KIF13B: variants seen among roughly 807,000 people sequenced by gnomAD.
The protein encoded by KIF13B is kinesin-like protein KIF13B.
Under a neutral mutation model 222.0 loss-of-function variants are expected in KIF13B, and 127 were observed. That is an observed-to-expected ratio of 0.57 (90% CI 0.50 to 0.66). The LOEUF is 0.66. Among genes scored for constraint, KIF13B ranks in the 30% least tolerant of loss-of-function variants. KIF13B has a pLI of 0.00. For synonymous variants in KIF13B, 976 were observed against 919.0 expected, an observed-to-expected ratio of 1.06 and a Z score of -1.12; for missense variants, 2,173 against 2,379.0, an observed-to-expected ratio of 0.91 and a Z score of 1.80.
In KIF13B at chr8:29,140,569, C is replaced by T. The variant is rs752151726; in HGVS notation, c.2383G>A (p.Glu795Lys). Residue 795 changes from glutamate to lysine, a missense_variant, in exon 20 of 40, where the codon GAA becomes AAA. This residue lies in a region of KIF13B where 1,480 missense variants were observed against 1,722.8 expected (regional missense o/e 0.86). Transcript: ENST00000524189. ...KRADPFYDEQ[E>K]NHSLIGVANV... is the part of the protein sequence containing the mutation. Reference sequence around the variant, plus strand: ...GCCACCCCAATGAGACTGTGATTTTCCTGCTCATCATAGAATGGATCAGCA... The same window carrying T: ...GCCACCCCAATGAGACTGTGATTTTTCTGCTCATCATAGAATGGATCAGCA... 6 of 1,613,730 alleles carry T rather than the reference C, an allele frequency of 3.7e-6. No homozygotes were observed. In the African/African-American group the frequency reaches 4.0e-5, roughly 11 times the overall value.
intron 23 of KIF13B, among the ~76,000 whole-genome samples, chr8:29,131,207 C>G (rs1810329241): frequency 6.6e-6 from 1 of 152,094 alleles, no homozygotes; most frequent in African/African-American, 2.4e-5. Flanking sequence ...GGTTGAAAAA[C>G]TACCTCCTGA....
chr8:29,193,335 G>T (rs993507750), intron 3 of KIF13B, among the ~76,000 whole-genome samples: 1 of 152,144 alleles, frequency 6.6e-6, no homozygotes, highest in Admixed American at 6.5e-5. Flanking sequence ...GGAGCAAAAG[G>T]AGGAGGATGG....
chr8:29,072,131 G>A lies in KIF13B; in HGVS notation c.4707C>T (p.Phe1569=). 7.2e-7 allele frequency: 1 copy of A among 1,389,716 alleles called. No individual in the cohort carries two copies. Among genetic ancestry groups the A allele is most frequent in the South Asian group, 1.8e-5 (1 of 55,724 alleles). The allele number at this position is 1,389,716 out of a possible 1,614,324, so 86.1% of individuals were successfully genotyped here. The change falls in exon 39 of 40, where the codon TTC becomes TTT. Residue 1569 remains phenylalanine, a synonymous_variant. Transcript: ENST00000524189. The part of the protein sequence containing the change: ...SPLSEASSGY[F]SHSVSTATLS... Reference sequence around the variant, plus strand: ...GGGTCGCGGTGGAGACGCTGTGGGAGAAGTACCCGCTAGAGGCTTCACTCA... The same window carrying A: ...GGGTCGCGGTGGAGACGCTGTGGGAAAAGTACCCGCTAGAGGCTTCACTCA...
intron 36 of KIF13B, among the ~76,000 whole-genome samples, chr8:29,094,308 C>A (rs1327493088): frequency 6.6e-6 from 1 of 152,226 alleles, no homozygotes; most frequent in East Asian, 1.9e-4. Flanking sequence ...TGAACAGAAT[C>A]TGCTGTGCAA....
chr8:29,175,883 T>C (rs991345867), intron 10 of KIF13B, among the ~76,000 whole-genome samples, 185 bp downstream of exon 10: 2 of 152,198 alleles, frequency 1.3e-5, no homozygotes, highest in Non-Finnish European at 2.9e-5. Flanking sequence ...AGCTAGGATG[T>C]GAATTGCTAG....
chr8:29,248,255 C>T (rs1816123492), intron 1 of KIF13B, among the ~76,000 whole-genome samples: 1 of 152,162 alleles, frequency 6.6e-6, no homozygotes, highest in Non-Finnish European at 1.5e-5. Context: ...TATTTGGATA[C>T]TCATAACAGC....
chr8:29,148,852 G>A, intron 15 of KIF13B, 85 bp from the exon 16 acceptor site: 3 of 1,053,624 alleles, frequency 2.8e-6, no homozygotes, highest in Admixed American at 4.7e-5. Context: ...TCTGTTAGAA[G>A]CCAAGTGGAT....
At chr8:29,092,640 T>C (rs925940639) in intron 37 of KIF13B, 105 bp downstream of exon 37, 12 of 1,281,444 alleles carry the variant, frequency 9.4e-6, no homozygotes, top group East Asian at 2.6e-5. Context: ...AAAAACCCAG[T>C]TTAGCCCCAA....
In KIF13B at chr8:29,250,203, G is replaced by A. The variant is rs1173935152; in HGVS notation, c.56-4764C>T. ...TTTCGTCTGCACAGAAGAACTCTAA[G>A]TGCCGTTCTCATACAGAATACATCT... is the stretch of plus-strand genomic sequence containing the variant. On this transcript the variant is annotated intron_variant, in intron 1 of 39. Transcript: ENST00000524189. 1.7e-5 allele frequency: 7 copies of A among 423,326 alleles called. No homozygotes were observed. In the East Asian group the frequency reaches 5.0e-4, roughly 30 times the overall value. The allele number at this position is 423,326 out of a possible 1,614,324, so 26.2% of individuals were successfully genotyped here.
At chr8:29,171,119 G>A (rs981789596) in intron 10 of KIF13B, among the ~76,000 whole-genome samples, 7 of 152,168 alleles carry the variant, frequency 4.6e-5, no homozygotes, top group African/African-American at 9.7e-5. Context: ...CAGTAGGAAC[G>A]AAAAGAGGGA....
At chr8:29,202,418 A>G (rs1382700402) in intron 2 of KIF13B, among the ~76,000 whole-genome samples, 1 of 152,086 alleles carries the variant, frequency 6.6e-6, no homozygotes, top group Non-Finnish European at 1.5e-5. Context: ...TCTGGGTTCA[A>G]GCGATTCTTC....
At chr8:29,151,180 A>G (rs11994630) in intron 14 of KIF13B, among the ~76,000 whole-genome samples, 4,918 of 152,308 alleles carry the variant, frequency 0.032, 275 homozygotes, top group African/African-American at 0.11. Context: ...TATTCCCTCA[A>G]CCAAACCCTA....
intron 1 of KIF13B, 102 bp from the exon 2 acceptor site, chr8:29,245,541 C>T: frequency 1.3e-6 from 1 of 767,938 alleles, no homozygotes; most frequent in Non-Finnish European, 2.1e-6. Flanking sequence ...TTTCATAATG[C>T]AAACACTCAA....
intron 1 of KIF13B, among the ~76,000 whole-genome samples, chr8:29,252,205 C>CA (rs1389539780): frequency 6.6e-6 from 1 of 152,164 alleles, no homozygotes; most frequent in Non-Finnish European, 1.5e-5. Context: ...GCTGACAACT[C>CA]AGTTTATTCA....
At chr8:29,262,801 G>A (rs1353342750) in intron 1 of KIF13B, among the ~76,000 whole-genome samples, 179 bp downstream of exon 1, 1 of 151,220 alleles carries the variant, frequency 6.6e-6, no homozygotes, top group Non-Finnish European at 1.5e-5. Context: ...GAAGGGAGGG[G>A]AGAAGAGGGA....
chr8:29,207,920 A>G (rs555937498), intron 2 of KIF13B, among the ~76,000 whole-genome samples: 2 of 152,330 alleles, frequency 1.3e-5, no homozygotes, highest in East Asian at 3.9e-4. Context: ...AGCACGGCAG[A>G]CAGTCTGGGG....
Position 29,071,639 on chromosome 8 carries a change from C to T in KIF13B, c.5199G>A (p.Val1733=), listed in dbSNP as rs763019245. 2.6e-6 allele frequency: 4 copies of T among 1,553,712 alleles called. No individual in the cohort carries two copies. The highest frequency in any genetic ancestry group is 2.4e-5 in the East Asian group (1 of 41,032). The change falls in exon 39 of 40, where the codon GTG becomes GTA. Residue 1733 remains valine (V), a synonymous_variant. Coordinates refer to ENST00000524189, the MANE Select transcript of KIF13B (RefSeq NM_015254.4). This position sits in a 1 kb window ranked among gnomAD's most constrained non-coding sequence, Gnocchi z 4.9. ...ADFQEGTWVG[V]ELDLPSGKND... Reference sequence around the variant, plus strand: ...ACCCACCTGAGGGCAGGTCGAGCTCCACGCCGACCCACGTGCCCTCTTGGA... The same window carrying T: ...ACCCACCTGAGGGCAGGTCGAGCTCTACGCCGACCCACGTGCCCTCTTGGA...
At chr8:29,255,306 C>T (rs541311182) in intron 1 of KIF13B, among the ~76,000 whole-genome samples, 4 of 152,082 alleles carry the variant, frequency 2.6e-5, no homozygotes, top group Non-Finnish European at 5.9e-5. Context: ...AGAAAAAACT[C>T]GGAATGGATG....
intron 10 of KIF13B, 108 bp from the exon 11 acceptor site, chr8:29,167,693 T>C: frequency 2.3e-6 from 2 of 858,018 alleles, no homozygotes; most frequent in Non-Finnish European, 3.8e-6. Context: ...GTCAAACACA[T>C]TCAATGACAG....
Sources: gnomAD v4.1 joint callset for allele counts (sites outside exome capture counted in the v4.1 genomes callset) on GRCh38, gnomAD v4.1.1 for gene constraint, gnomAD v4.1.1 regional missense constraint, Gnocchi (gnomAD v3.1) non-coding constraint, MANE v1.5 for transcripts, NCBI Gene and HGNC (gene_info 2026-07-23, HGNC 2026-07-21) for gene names.